Variants in PLIN4 observed in about 807,000 individuals in gnomAD.
PLIN4 encodes perilipin-4.
Under a neutral mutation model 52.4 loss-of-function variants are expected in PLIN4, and 57 were observed. The observed-to-expected ratio is 1.09, with a 90% CI of 0.88 to 1.36. PLIN4 has a LOEUF of 1.36. Ranked by LOEUF, PLIN4 falls within the 40% of genes most tolerant of loss-of-function variation. The pLI, the probability that PLIN4 is intolerant of heterozygous loss-of-function variation, is 0.00. For missense variants in PLIN4, 1,757 were observed against 1,770.3 expected (o/e 0.99, Z 0.13); for synonymous variants, 826 against 785.4 (o/e 1.05, Z -0.86).
chr19:4,504,433 CGCGCCGG>C lies in PLIN4; in HGVS notation c.*19_*25del, dbSNP rs1976021000. On this transcript the variant is annotated 3_prime_UTR_variant, in exon 8 of 8. Transcript: ENST00000301286. Reference sequence around the variant, plus strand: ...CTCCCTGGACAGAGCAGGGCGACCCCGCGCCGGGCCTGCAGGCTCCTACAGCTACTGC... The same window carrying C: ...CTCCCTGGACAGAGCAGGGCGACCCCGCCTGCAGGCTCCTACAGCTACTGC... 1 of 1,509,112 alleles carries C rather than the reference CGCGCCGG, an allele frequency of 6.6e-7. No homozygotes were observed. Among genetic ancestry groups the C allele is most frequent in the African/African-American group, 1.4e-5 (1 of 72,546 alleles). The allele number at this position is 1,509,112 out of a possible 1,614,324, so 93.5% of individuals were successfully genotyped here.
At chr19:4,515,062 G>T (rs1361065445) in intron 4 of PLIN4, among the ~76,000 whole-genome samples, 1 of 151,168 alleles carries the variant, frequency 6.6e-6, no homozygotes, top group African/African-American at 2.4e-5. Context: ...TGTAATCCCA[G>T]CTACTCTGGA....
intron 4 of PLIN4, 53 bp downstream of exon 4, chr19:4,516,564 G>A (rs1307697072): frequency 1.8e-5 from 28 of 1,551,012 alleles, no homozygotes; most frequent in Admixed American, 3.8e-5. Context: ...TCGCAGGAGG[G>A]GGCACCCCCA....
intron 5 of PLIN4, among the ~76,000 whole-genome samples, chr19:4,510,109 T>A (rs1305922700): frequency 6.6e-6 from 1 of 151,982 alleles, no homozygotes; most frequent in Non-Finnish European, 1.5e-5. Context: ...GGCTCACGCC[T>A]GCAATCTCAG....
chr19:4,508,710 G>A, intron 6 of PLIN4, 58 bp downstream of exon 6: 1 of 1,501,890 alleles, frequency 6.7e-7, no homozygotes, highest in Non-Finnish European at 8.9e-7. Context: ...GGTGAGTCCT[G>A]GGCAGGGGTT....
Position 4,516,634 on chromosome 19 carries a change from G to T in PLIN4, c.241C>A (p.Leu81Met). The T allele has an allele frequency of 6.2e-7, 1 of 1,605,208 alleles. No individual in the cohort carries two copies. The highest frequency in any genetic ancestry group is 8.5e-7 in the Non-Finnish European group (1 of 1,176,030). Residue 81 changes from leucine (L) to methionine (M), a missense_variant, in exon 4 of 8, where the codon CTG (leucine) becomes ATG (methionine). Coordinates refer to ENST00000301286, the MANE Select transcript of PLIN4 (RefSeq NM_001367868.2). ...CCTCTCACCTTTTCCGAAGGTTGCA[G>T]CTCCTTCTCCGTCCATGGGGCCGTC... ...EQTAPWTEKE[L>M]QPSEKMVSGA...
intron 6 of PLIN4, among the ~76,000 whole-genome samples, chr19:4,506,860 G>A (rs772608551): frequency 8.5e-5 from 13 of 152,236 alleles, no homozygotes; most frequent in Admixed American, 2.6e-4. Context: ...CCATTGTACC[G>A]CGTGCCAGAG....
chr19:4,504,926 G>A lies in PLIN4; in HGVS notation c.3724C>T (p.Pro1242Ser). 1 of 1,606,216 alleles carries A rather than the reference G, an allele frequency of 6.2e-7. No homozygotes were observed. Among genetic ancestry groups the A allele is most frequent in the Non-Finnish European group, 8.5e-7 (1 of 1,177,296 alleles). ...FRLIEKAQQAPEGQPRLDQGS... is the reference protein window; with the variant it reads ...FRLIEKAQQASEGQPRLDQGS... ...TGGTCCAGACGTGGCTGCCCTTCTG[G>A]AGCCTGCTGGGCCTTTTCAATCTGG... Residue 1242 changes from proline to serine, a missense_variant, in exon 7 of 8, where the codon CCA becomes TCA. By Grantham distance (74) the Pro-to-Ser change is moderately conservative. This residue lies in a region of PLIN4 where 712 missense variants were observed against 637.1 expected (regional missense o/e 1.12). Transcript: ENST00000301286.
intron 6 of PLIN4, 58 bp downstream of exon 6, chr19:4,508,710 G>C (rs1371917695): frequency 6.7e-6 from 10 of 1,501,774 alleles, no homozygotes; most frequent in African/African-American, 1.4e-5. Flanking sequence ...GGTGAGTCCT[G>C]GGCAGGGGTT....
At chr19:4,513,859 C>T (rs987635204) in intron 4 of PLIN4, among the ~76,000 whole-genome samples, 158 bp from the exon 5 acceptor site, 7 of 152,184 alleles carry the variant, frequency 4.6e-5, no homozygotes, top group East Asian at 3.9e-4. Context: ...CTCCTCACCC[C>T]GACCCCGGTC....
Position 4,513,196 on chromosome 19 carries a change from G to A in PLIN4, c.764C>T (p.Thr255Ile). 1 of 1,613,824 alleles carries A rather than the reference G, an allele frequency of 6.2e-7. No individual in the cohort carries two copies. The highest frequency in any genetic ancestry group is 8.5e-7 in the Non-Finnish European group (1 of 1,179,884). The change falls in exon 5 of 8, where the codon ACC becomes ATC. Residue 255 changes from threonine to isoleucine, a missense_variant. Physicochemically the swap from Thr to Ile is moderately conservative, Grantham distance 89 (BLOSUM62 -1). This residue lies in a region of PLIN4 where 99 missense variants were observed against 143.4 expected (regional missense o/e 0.69). Coordinates refer to ENST00000301286, the MANE Select transcript of PLIN4 (RefSeq NM_001367868.2). ...AVNVARGSIQ[T>I]GVDTSKTVLT... Reference sequence around the variant, plus strand: ...GACAGTCTTACTGGTGTCCACACCGGTCTGAATGCTTCCTCTGGCCACATT... The same window carrying A: ...GACAGTCTTACTGGTGTCCACACCGATCTGAATGCTTCCTCTGGCCACATT...
At chr19:4,510,408 C>T (rs750840483) in intron 5 of PLIN4, 38 bp downstream of exon 5, 1 of 1,370,684 alleles carries the variant, frequency 7.3e-7, no homozygotes, top group Non-Finnish European at 9.5e-7. Context: ...AGCAGCTGTG[C>T]CTGCCTCAGG....
chr19:4,507,394 A>T (rs1477530290), intron 6 of PLIN4, among the ~76,000 whole-genome samples: 1 of 152,236 alleles, frequency 6.6e-6, no homozygotes, highest in East Asian at 1.9e-4. Context: ...CTACATAGGG[A>T]GGCCCCATCT....
At position 4,508,949 on chromosome 19, in the gene PLIN4, A is replaced by G. The variant is rs201201652; in HGVS notation, c.3521T>C (p.Leu1174Pro). ...CTTTGGCCCAGGCTGGGAGGCAGCC[A>G]GCTGAGCTGGAAAGGAAGGCGCACC... Reference protein sequence around the residue: ...HPMNAEEQAQLAASQPGPKVL... With the variant: ...HPMNAEEQAQPAASQPGPKVL... Residue 1174 changes from leucine to proline, a missense_variant, in exon 6 of 8, where the codon CTG becomes CCG. By Grantham distance (98) the Leu-to-Pro change is moderately conservative. Around this residue, in one of 7 missense-constraint regions of PLIN4, gnomAD observed 712 missense variants for 637.1 expected, o/e 1.12. Coordinates refer to ENST00000301286, the MANE Select transcript of PLIN4 (RefSeq NM_001367868.2). 11 of 1,610,474 alleles carry G rather than the reference A, an allele frequency of 6.8e-6. No individual in the cohort carries two copies. Among genetic ancestry groups the G allele is most frequent in the African/African-American group, 2.7e-5 (2 of 74,938 alleles).
chr19:4,508,224 T>G (rs1482804558), intron 6 of PLIN4, among the ~76,000 whole-genome samples: 1 of 152,180 alleles, frequency 6.6e-6, no homozygotes, highest in Non-Finnish European at 1.5e-5. Context: ...CATCCCCCTC[T>G]GCACACAGAT....
rs751106989 is a variant in PLIN4, at chr19:4,508,874, C to T, written c.3596G>A (p.Gly1199Asp). The change falls in exon 6 of 8, where the codon GGT becomes GAT. Residue 1199 changes from glycine to aspartate, a missense_variant. By Grantham distance (94) the Gly-to-Asp change is moderately conservative (BLOSUM62 -1). Around this residue, in one of 7 missense-constraint regions of PLIN4, gnomAD observed 712 missense variants for 637.1 expected, o/e 1.12. Coordinates refer to ENST00000301286, the MANE Select transcript of PLIN4 (RefSeq NM_001367868.2). ...GSYFVRLGDL[G>D]PSFRQRAFEH... ...AAATGCCCGCTGGCGGAAGCTGGGACCCAGGTCACCTAAACGAACGAAGTA... is the reference window on the plus strand; with the variant it reads ...AAATGCCCGCTGGCGGAAGCTGGGATCCAGGTCACCTAAACGAACGAAGTA... 2 of 1,613,062 alleles carry T rather than the reference C, an allele frequency of 1.2e-6. No homozygotes were observed. Among genetic ancestry groups the T allele is most frequent in the East Asian group, 4.5e-5 (2 of 44,868 alleles).
Position 4,512,784 on chromosome 19 carries a change from G to C in PLIN4, c.1176C>G (p.Thr392=), listed in dbSNP as rs374833477. ...CTTTCGTACCCATGACCATAGACTT[G>C]GTGGTATCCAGGCCCCCCTGGATGG... ...KEAIQGGLDT[T]KSMVMGTKDT... is the part of the protein sequence containing the mutation. The change falls in exon 5 of 8, where the codon ACC becomes ACG. Residue 392 remains threonine (T), a synonymous_variant. Transcript: ENST00000301286. The C allele has an allele frequency of 7.0e-6, 11 of 1,561,192 alleles. 3 individuals are homozygous for C. The African/African-American group carries it at 2.1e-4, about 29-fold the overall frequency.
rs371797406 is a variant in PLIN4 at position 4,512,763 on chromosome 19, C to T, written c.1197G>A (p.Thr399=). 1,102 of 1,544,912 alleles carry T rather than the reference C, an allele frequency of 7.1e-4. 96 individuals carry two copies. The highest frequency in any genetic ancestry group is 8.9e-4 in the South Asian group (78 of 87,882). Residue 399 remains threonine, a synonymous_variant, in exon 5 of 8, where the codon ACG becomes ACA. Transcript: ENST00000301286. ...LDTTKSMVMG[T]KDTMSTGLTG... ...TGAGCCCAGTGGACATCGTGTCTTT[C>T]GTACCCATGACCATAGACTTGGTGG... is the stretch of plus-strand genomic sequence containing the variant.
chr19:4,507,408 CA>C (rs965690936), intron 6 of PLIN4, among the ~76,000 whole-genome samples: 6 of 152,204 alleles, frequency 3.9e-5, no homozygotes, highest in African/African-American at 1.4e-4. Flanking sequence ...CCCATCTCTA[CA>C]AAAAATTTAA....
In PLIN4 at chr19:4,504,462, C is replaced by T. The variant is rs117659123; in HGVS notation, c.4113G>A (p.Gln1371=). 50,750 of 1,569,060 alleles carry T rather than the reference C, an allele frequency of 0.032. 989 individuals are homozygous for T. Among genetic ancestry groups the T allele is most frequent in the Non-Finnish European group, 0.038 (44,360 of 1,155,560 alleles). Residue 1371 remains glutamine (Q), a synonymous_variant, in exon 8 of 8, where the codon CAG becomes CAA. Coordinates refer to ENST00000301286, the MANE Select transcript of PLIN4 (RefSeq NM_001367868.2). ...CCGGGCCTGCAGGCTCCTACAGCTACTGCCCGCCAGCGGGCAAGGCGAAGG... is the reference window on the plus strand; with the variant it reads ...CCGGGCCTGCAGGCTCCTACAGCTATTGCCCGCCAGCGGGCAAGGCGAAGG... ...VGPFALPAGG[Q]
Sources: allele counts gnomAD v4.1 joint callset (sites outside exome capture counted in the v4.1 genomes callset), GRCh38; gene constraint gnomAD v4.1.1; regional missense constraint gnomAD v4.1.1; transcripts MANE v1.5; gene names NCBI Gene and HGNC (gene_info 2026-07-23, HGNC 2026-07-21).